Variants in TTI1 observed in about 807,000 individuals in gnomAD.
TTI1 encodes the protein TELO2 interacting protein 1, also known as TELO2-interacting protein 1 homolog.
TTI1 carries 52 observed loss-of-function variants against 85.4 expected under a neutral mutation model. The observed-to-expected ratio is 0.61, with a 90% CI of 0.49 to 0.77. TTI1 has a LOEUF of 0.77. TTI1 is among the 30% of genes least tolerant of loss of function. The pLI is 0.00. For synonymous variants in TTI1, 512 were observed against 503.9 expected (o/e 1.02, Z -0.22); for missense variants, 1,173 against 1,296.0 (o/e 0.91, Z 1.46).
At chr20:38,003,264 A>G (rs1378530082) in intron 3 of TTI1, among the ~76,000 whole-genome samples, 1 of 152,230 alleles carries the variant, frequency 6.6e-6, no homozygotes, top group African/African-American at 2.4e-5. Context: ...CACCAGGCTA[A>G]GCATGGGTTT....
chr20:38,002,114 C>T lies in TTI1; in HGVS notation c.2652+514G>A, dbSNP rs146627577. 2.6e-3 allele frequency among the ~76,000 whole-genome samples: 402 copies of T among 152,204 alleles called. 4 individuals are homozygous for T. The highest frequency in any genetic ancestry group is 0.014 in the South Asian group (66 of 4,818). On this transcript the variant is annotated intron_variant, in intron 4 of 7. Transcript: ENST00000373447. ...CAGGGTGATTCTAAAAGCCCTGCCC[C>T]CCACTTCTACCCCACCCCACTGCAT... is the stretch of plus-strand genomic sequence containing the variant.
chr20:37,984,905 T>C (rs1425307241), intron 7 of TTI1, among the ~76,000 whole-genome samples: 2 of 152,166 alleles, frequency 1.3e-5, no homozygotes. Context: ...CCCTGCAATG[T>C]GTCCATGTAA....
At chr20:37,993,320 T>C (rs2073292559) in intron 7 of TTI1, among the ~76,000 whole-genome samples, 1 of 151,970 alleles carries the variant, frequency 6.6e-6, no homozygotes, top group African/African-American at 2.4e-5. Flanking sequence ...CAACCTCGGT[T>C]ACATCAACCA....
chr20:38,020,321 AAAATATATAT>A (rs1362414493), intron 1 of TTI1, among the ~76,000 whole-genome samples: 1 of 42,730 alleles, frequency 2.3e-5, no homozygotes, highest in African/African-American at 1.3e-4. Context: ...AAAAAAAAAA[AAAATATATAT>A]ATATATATAT....
At chr20:37,992,397 T>C (rs994119515) in intron 7 of TTI1, among the ~76,000 whole-genome samples, 1 of 152,014 alleles carries the variant, frequency 6.6e-6, no homozygotes, top group Non-Finnish European at 1.5e-5. Flanking sequence ...CTGCCTCAGC[T>C]TCCCAAGTAG....
intron 3 of TTI1, among the ~76,000 whole-genome samples, 187 bp from the exon 4 acceptor site, chr20:38,002,963 G>A (rs1777108654): frequency 1.3e-5 from 2 of 152,178 alleles, no homozygotes; most frequent in Admixed American, 1.3e-4. Context: ...GGCATTTTAT[G>A]AGGTCCCTAT....
chr20:38,017,794 C>A (rs1482423366), intron 1 of TTI1, among the ~76,000 whole-genome samples: 1 of 152,228 alleles, frequency 6.6e-6, no homozygotes, highest in East Asian at 1.9e-4. Context: ...AAGCTGAAAA[C>A]CTTAGGGGCA....
intron 1 of TTI1, among the ~76,000 whole-genome samples, chr20:38,017,402 G>GC (rs1471166755): frequency 7.0e-6 from 1 of 143,778 alleles, no homozygotes; most frequent in African/African-American, 2.8e-5. Flanking sequence ...ACAATCAATA[G>GC]CTTGTGTGTG....
intron 1 of TTI1, among the ~76,000 whole-genome samples, chr20:38,019,744 G>A (rs1301200262): frequency 6.6e-6 from 1 of 152,252 alleles, no homozygotes; most frequent in African/African-American, 2.4e-5. Flanking sequence ...CTCAACAGCA[G>A]CACTATTGAC....
At chr20:38,027,884 A>G (rs2073856077) in intron 1 of TTI1, among the ~76,000 whole-genome samples, 1 of 152,172 alleles carries the variant, frequency 6.6e-6, no homozygotes, top group Admixed American at 6.5e-5. Context: ...AGATCGCACC[A>G]TTGAACTCTA....
intron 7 of TTI1, among the ~76,000 whole-genome samples, chr20:37,988,026 G>A (rs1399941870): frequency 1.3e-5 from 2 of 152,192 alleles, no homozygotes; most frequent in African/African-American, 2.4e-5. Context: ...TTTATCAAAC[G>A]TTTACTAAAG....
chr20:37,999,415 G>A, intron 4 of TTI1, 87 bp from the exon 5 acceptor site: 1 of 1,294,230 alleles, frequency 7.7e-7, no homozygotes, highest in Non-Finnish European at 1.0e-6. Flanking sequence ...ATAACATTTA[G>A]AAACGTATTA....
chr20:38,018,745 T>G (rs568681124), intron 1 of TTI1, among the ~76,000 whole-genome samples: 1 of 150,086 alleles, frequency 6.7e-6, no homozygotes, highest in Non-Finnish European at 1.5e-5. Flanking sequence ...CAGGAGTCAA[T>G]AGAATGCTAT....
chr20:38,016,993 T>C (rs1332091182), intron 1 of TTI1, among the ~76,000 whole-genome samples: 4 of 152,222 alleles, frequency 2.6e-5, no homozygotes, highest in Admixed American at 2.6e-4. Context: ...CCTGCAATCA[T>C]GTAAAATTTA....
chr20:38,014,196 G>T (rs1294262219), intron 1 of TTI1, among the ~76,000 whole-genome samples: 1 of 152,168 alleles, frequency 6.6e-6, no homozygotes, highest in Non-Finnish European at 1.5e-5. Flanking sequence ...CAGGAGTTCG[G>T]ATTTTAACCT....
At chr20:38,003,671 G>A (rs1436755962) in intron 3 of TTI1, among the ~76,000 whole-genome samples, 13 of 150,986 alleles carry the variant, frequency 8.6e-5, no homozygotes, top group African/African-American at 3.2e-4. Context: ...AGAATCGCTT[G>A]AACCCAGGAG....
At chr20:37,990,703 G>C (rs759418117) in intron 7 of TTI1, among the ~76,000 whole-genome samples, 7 of 152,190 alleles carry the variant, frequency 4.6e-5, no homozygotes, top group Non-Finnish European at 8.8e-5. Flanking sequence ...ATGAGGAAAT[G>C]ACTACCCTGT....
Position 37,983,427 on chromosome 20 carries a change from T to A in TTI1, c.*29A>T. On this transcript the variant is annotated 3_prime_UTR_variant, in exon 8 of 8. Transcript: ENST00000373447. ...CTTCTGGCTGGCAGTAGGGGAGGGA[T>A]CGGTGGCCTCTGTGGTGGGGGAGCA... The A allele has an allele frequency of 6.2e-7, 1 of 1,600,970 alleles. No homozygotes were observed.
At position 37,983,567 on chromosome 20, in the gene TTI1, C is replaced by A; in HGVS notation, c.3159G>T (p.Val1053=). The change falls in exon 8 of 8, where the codon GTG becomes GTT. Residue 1053 remains valine, a synonymous_variant. Transcript: ENST00000373447. The part of the protein sequence containing the change: ...WFLLNELYCP[V]QFTPPHPSLH... ...GGCTGGGGTGGGGAGGTGTGAACTG[C>A]ACGGGGCAGTAAAGCTCGTTCAGGA... 1 of 1,602,926 alleles carries A rather than the reference C, an allele frequency of 6.2e-7. No homozygotes were observed. Among genetic ancestry groups the A allele is most frequent in the Non-Finnish European group, 8.5e-7 (1 of 1,175,226 alleles).
Sources: gnomAD v4.1 joint callset for allele counts (sites outside exome capture counted in the v4.1 genomes callset) on GRCh38, gnomAD v4.1.1 for gene constraint, MANE v1.5 for transcripts, NCBI Gene and HGNC (gene_info 2026-07-23, HGNC 2026-07-21) for gene names.